LARGE1: variants seen among roughly 807,000 people sequenced by gnomAD.
The protein encoded by LARGE1 is xylosyl- and glucuronyltransferase LARGE1.
LARGE1 carries 43 observed loss-of-function variants against 87.6 expected under a neutral mutation model. The observed-to-expected ratio is 0.49, with a 90% CI of 0.38 to 0.63. LARGE1 has a LOEUF of 0.63. Ranked by LOEUF, LARGE1 falls within the 30% of genes least tolerant of loss-of-function variation. The pLI, the probability that LARGE1 is intolerant of heterozygous loss-of-function variation, is 0.00. For synonymous variants in LARGE1, 434 were observed against 394.6 expected, an observed-to-expected ratio of 1.10 and a Z score of -1.18; for missense variants, 802 against 1,000.2, an observed-to-expected ratio of 0.80 and a Z score of 2.67.
At chr22:33,299,228 G>T (rs1569027606) in intron 12 of LARGE1, among the ~76,000 whole-genome samples, 1 of 149,210 alleles carries the variant, frequency 6.7e-6, no homozygotes, top group Non-Finnish European at 1.5e-5. Context: ...AGTATGGAAA[G>T]AAATGAATTA....
At chr22:33,253,208 G>T (rs997994722) in intron 11 of LARGE1, among the ~76,000 whole-genome samples, 1 of 152,212 alleles carries the variant, frequency 6.6e-6, no homozygotes, top group Non-Finnish European at 1.5e-5. Context: ...ATCTTATAGG[G>T]TTGTTGTGAC....
chr22:33,761,928 T>C (rs2084746332), intron 1 of LARGE1, among the ~76,000 whole-genome samples: 1 of 151,888 alleles, frequency 6.6e-6, no homozygotes, highest in South Asian at 2.1e-4. Context: ...AAAAGAAGAC[T>C]AGAATAGGCT....
In LARGE1 at chr22:33,432,595, T is replaced by G. The variant is rs2280978; in HGVS notation, c.788-330A>C. Among the ~76,000 whole-genome samples, 22,142 of 146,912 alleles carry G rather than the reference T, an allele frequency of 0.15. 2,088 individuals are homozygous for G. Among genetic ancestry groups the G allele is most frequent in the Admixed American group, 0.29 (4,276 of 14,886 alleles). On this transcript the variant is annotated intron_variant, in intron 6 of 14. Coordinates refer to ENST00000397394, the MANE Select transcript of LARGE1 (RefSeq NM_133642.5). ...TTCATTCATTCATTCATTCATTCAT[T>G]CATGCATGCATGCATGCATTTCTTT...
At chr22:33,616,369 A>T (rs943737520) in intron 4 of LARGE1, among the ~76,000 whole-genome samples, 26 of 151,978 alleles carry the variant, frequency 1.7e-4, no homozygotes, top group African/African-American at 5.3e-4. Context: ...AAGAAAATTT[A>T]AAAAATTAAA....
At chr22:33,195,644 T>C (rs1003038167) in intron 11 of LARGE1, among the ~76,000 whole-genome samples, 13 of 151,862 alleles carry the variant, frequency 8.6e-5, no homozygotes, top group African/African-American at 2.4e-4. Flanking sequence ...AATGCAAATA[T>C]ATCAAAATCT....
At chr22:33,639,171 A>G (rs1312664607) in intron 3 of LARGE1, among the ~76,000 whole-genome samples, 2 of 152,200 alleles carry the variant, frequency 1.3e-5, no homozygotes, top group Non-Finnish European at 2.9e-5. Flanking sequence ...CTGACTGCCT[A>G]GAGCTGCCAT....
At chr22:33,775,267 C>T (rs1187894502) in intron 1 of LARGE1, among the ~76,000 whole-genome samples, 1 of 152,202 alleles carries the variant, frequency 6.6e-6, no homozygotes, top group African/African-American at 2.4e-5. Flanking sequence ...GTGCTTCTCT[C>T]AATTTGGTAG....
At chr22:33,088,986 T>A in the LARGE1 span, among the ~76,000 whole-genome samples, 4 of 152,298 alleles carry the variant, frequency 2.6e-5, no homozygotes, top group South Asian at 8.3e-4. Flanking sequence ...CCATGCTGAG[T>A]CCCCATGGAT....
chr22:33,514,282 C>CCACACACACACACA (rs60301225), intron 6 of LARGE1, among the ~76,000 whole-genome samples: 10 of 147,862 alleles, frequency 6.8e-5, no homozygotes, highest in African/African-American at 2.5e-4. Context: ...CTATGTGTGT[C>CCACACACACACACA]CACACACACA....
chr22:33,455,352 T>G (rs188554737), intron 6 of LARGE1, among the ~76,000 whole-genome samples: 1 of 152,350 alleles, frequency 6.6e-6, no homozygotes, highest in Admixed American at 6.5e-5. Context: ...ATGTCATTTC[T>G]TGTTCTTACC....
intron 7 of LARGE1, among the ~76,000 whole-genome samples, chr22:33,427,430 G>T (rs558172829): frequency 6.6e-6 from 1 of 152,344 alleles, no homozygotes; most frequent in South Asian, 2.1e-4. Context: ...ATGTTTTGTG[G>T]CCATGTAGGC....
At chr22:33,451,323 A>T (rs562006810) in intron 6 of LARGE1, among the ~76,000 whole-genome samples, 1 of 151,922 alleles carries the variant, frequency 6.6e-6, no homozygotes, top group African/African-American at 2.4e-5. Context: ...GACCACCAAG[A>T]AAAGAACGCT....
chr22:33,561,047 C>T (rs2148759651), intron 6 of LARGE1, among the ~76,000 whole-genome samples: 1 of 152,294 alleles, frequency 6.6e-6, no homozygotes, highest in East Asian at 1.9e-4. Context: ...ATCTCCTGAC[C>T]TCGTGATCTG....
At chr22:33,814,757 C>G (rs182773579) in intron 1 of LARGE1, among the ~76,000 whole-genome samples, 2 of 151,464 alleles carry the variant, frequency 1.3e-5, no homozygotes, top group Non-Finnish European at 2.9e-5. Context: ...TGTGTTTATA[C>G]AACTACACCA....
In LARGE1 at chr22:33,476,292, A is replaced by G. The variant is rs569431711; in HGVS notation, c.788-44027T>C. On this transcript the variant is annotated intron_variant, in intron 6 of 14. Transcript: ENST00000397394. ...CAGATTCATTGAGCCAGACTAAGGC[A>G]AAAGTGACTATTTCTCCACCACTCT... 8.0e-4 allele frequency among the ~76,000 whole-genome samples: 122 copies of G among 152,332 alleles called. 1 individual carries two copies. In the South Asian group the frequency reaches 0.025, roughly 31 times the overall value.
intron 5 of LARGE1, among the ~76,000 whole-genome samples, chr22:33,590,851 G>A (rs1387503380): frequency 6.6e-6 from 1 of 152,140 alleles, no homozygotes; most frequent in Non-Finnish European, 1.5e-5. Flanking sequence ...ATTTCTCTTG[G>A]TTGAACACCT....
intron 5 of LARGE1, among the ~76,000 whole-genome samples, chr22:33,571,291 C>T (rs1001006877): frequency 6.6e-6 from 1 of 152,108 alleles, no homozygotes; most frequent in Non-Finnish European, 1.5e-5. Context: ...GAAGAAGCTG[C>T]CAATTACCAG....
At chr22:33,738,507 A>T (rs551357917) in intron 2 of LARGE1, among the ~76,000 whole-genome samples, 4 of 152,290 alleles carry the variant, frequency 2.6e-5, no homozygotes, top group African/African-American at 9.6e-5. Context: ...CCATCTGGCT[A>T]GCTCTGCTTC....
At chr22:33,700,363 C>T (rs1471388626) in intron 2 of LARGE1, among the ~76,000 whole-genome samples, 2 of 152,194 alleles carry the variant, frequency 1.3e-5, no homozygotes. Context: ...TGTCACCATT[C>T]ACTGAAGTTT....
Sources: allele counts gnomAD v4.1 joint callset (sites outside exome capture counted in the v4.1 genomes callset), GRCh38; gene constraint gnomAD v4.1.1; transcripts MANE v1.5; gene names NCBI Gene and HGNC (gene_info 2026-07-23, HGNC 2026-07-21).